FRMD4A: variants seen among roughly 807,000 people sequenced by gnomAD.
FRMD4A encodes FERM domain-containing protein 4A.
A neutral mutation model predicts 129.1 loss-of-function variants in FRMD4A; 29 were observed. That is an observed-to-expected ratio of 0.22 (90% CI 0.17 to 0.31). The LOEUF is 0.31. Ranked by LOEUF, FRMD4A falls within the 10% of genes least tolerant of loss-of-function variation. FRMD4A has a pLI of 1.00. For missense variants in FRMD4A, 1,272 were observed against 1,375.8 expected, an observed-to-expected ratio of 0.92 and a Z score of 1.19; for synonymous variants, 634 against 571.6, an observed-to-expected ratio of 1.11 and a Z score of -1.56.
intron 5 of FRMD4A, among the ~76,000 whole-genome samples, chr10:13,786,018 C>G (rs191882107): frequency 6.6e-6 from 1 of 152,196 alleles, no homozygotes; most frequent in African/African-American, 2.4e-5. Context: ...ATCCAGTCTA[C>G]CACTGATGGA....
At chr10:14,289,716 TCAC>T (rs1284971243) in intron 2 of FRMD4A, among the ~76,000 whole-genome samples, 1 of 152,098 alleles carries the variant, frequency 6.6e-6, no homozygotes, top group African/African-American at 2.4e-5. Context: ...ATGCCTACTT[TCAC>T]CACTTTTATT....
intron 2 of FRMD4A, among the ~76,000 whole-genome samples, chr10:14,119,047 T>C (rs1838353455): frequency 6.6e-6 from 1 of 151,904 alleles, no homozygotes; most frequent in Non-Finnish European, 1.5e-5. Context: ...TTGGAGGAGG[T>C]CTTAGTTTCC....
In FRMD4A at chr10:13,813,775, G is replaced by A. The variant is rs80356229; in HGVS notation, c.112-2867C>T. 2.0e-3 allele frequency among the ~76,000 whole-genome samples: 298 copies of A among 152,328 alleles called. 1 individual carries two copies. Among genetic ancestry groups the A allele is most frequent in the Admixed American group, 3.9e-3 (59 of 15,298 alleles). Reference sequence around the variant, plus strand: ...CAGCGCTGCCAGAGCGTATTGTACCGCGTACTGCTAGCCTGGGAAAAGATC... The same window carrying A: ...CAGCGCTGCCAGAGCGTATTGTACCACGTACTGCTAGCCTGGGAAAAGATC... On this transcript the variant is annotated intron_variant, in intron 3 of 24. Transcript: ENST00000357447.
At chr10:13,852,951 T>C (rs2094160109) in intron 3 of FRMD4A, among the ~76,000 whole-genome samples, 1 of 152,288 alleles carries the variant, frequency 6.6e-6, no homozygotes, top group Middle Eastern at 3.4e-3. Context: ...CTAACTGTTA[T>C]CTTTAATTCC....
chr10:14,144,029 G>T (rs868254057), intron 2 of FRMD4A, among the ~76,000 whole-genome samples: 2 of 152,138 alleles, frequency 1.3e-5, no homozygotes, highest in Non-Finnish European at 2.9e-5. Context: ...GGGATGGGAG[G>T]TTTTAAGAGT....
intron 2 of FRMD4A, among the ~76,000 whole-genome samples, chr10:13,873,568 A>G (rs2094460738): frequency 6.6e-6 from 1 of 152,170 alleles, no homozygotes; most frequent in South Asian, 2.1e-4. Context: ...TATTTTTGAG[A>G]CGGAGTCTCG....
At position 14,117,126 on chromosome 10, in the gene FRMD4A, C is replaced by T. The variant is rs187621266; in HGVS notation, c.45+212932G>A. Among the ~76,000 whole-genome samples the T allele has an allele frequency of 2.6e-5, 4 of 152,354 alleles. No homozygotes were observed. In the East Asian group the frequency reaches 7.7e-4, roughly 29 times the overall value. ...TAAGGTAGCTGATTCCTGGAAGACA[C>T]TGGCATTTCCCCTACTAAAATCCTT... On this transcript the variant is annotated intron_variant, in intron 2 of 24. Transcript: ENST00000357447.
At chr10:14,237,065 G>A (rs1259332678) in intron 2 of FRMD4A, among the ~76,000 whole-genome samples, 1 of 151,310 alleles carries the variant, frequency 6.6e-6, no homozygotes, top group African/African-American at 2.4e-5. Flanking sequence ...TAGAGATGGG[G>A]TCTTGCTATG....
At chr10:14,271,786 C>T (rs1247274143) in intron 2 of FRMD4A, among the ~76,000 whole-genome samples, 1 of 152,110 alleles carries the variant, frequency 6.6e-6, no homozygotes, top group Non-Finnish European at 1.5e-5. Context: ...TTTCTGCTGA[C>T]CTGAAGCATG....
chr10:13,771,924 A>AAAACC (rs2092465469), intron 6 of FRMD4A, among the ~76,000 whole-genome samples: 1 of 151,728 alleles, frequency 6.6e-6, no homozygotes, highest in Non-Finnish European at 1.5e-5. Context: ...ACTTTGAAAC[A>AAAACC]AAACCAAACA....
intron 6 of FRMD4A, among the ~76,000 whole-genome samples, chr10:13,777,784 T>C (rs978272873): frequency 4.8e-5 from 7 of 145,966 alleles, no homozygotes; most frequent in Admixed American, 3.7e-4. Flanking sequence ...AAGTAGGCTT[T>C]GGGTCAATTT....
chr10:13,665,945 C>T (rs537963097), intron 18 of FRMD4A, 152 bp downstream of exon 18: 1 of 632,040 alleles, frequency 1.6e-6, no homozygotes, highest in Non-Finnish European at 2.8e-6. Context: ...TGGGATCAGG[C>T]CTTACTCGCT....
At chr10:14,187,038 G>A (rs1564373214) in intron 2 of FRMD4A, among the ~76,000 whole-genome samples, 1 of 151,868 alleles carries the variant, frequency 6.6e-6, no homozygotes, top group Non-Finnish European at 1.5e-5. Flanking sequence ...AAGATTGCCT[G>A]AGCCCAGGAG....
chr10:14,196,771 T>G (rs775768231), intron 2 of FRMD4A, among the ~76,000 whole-genome samples: 67 of 152,174 alleles, frequency 4.4e-4, no homozygotes, highest in Admixed American at 7.9e-4. Context: ...GGATTACCAG[T>G]GTTAACTGTG....
chr10:13,868,750 G>T (rs1013487570), intron 2 of FRMD4A, among the ~76,000 whole-genome samples: 2 of 152,100 alleles, frequency 1.3e-5, no homozygotes, highest in African/African-American at 4.8e-5. Context: ...AGTGAACTGA[G>T]ATCAGGCCAC....
At chr10:13,746,353 G>C (rs1392441957) in intron 9 of FRMD4A, among the ~76,000 whole-genome samples, 1 of 152,244 alleles carries the variant, frequency 6.6e-6, no homozygotes, top group African/African-American at 2.4e-5. Flanking sequence ...TGGGACACCA[G>C]GCGCGCGACA....
chr10:14,322,719 C>T (rs1050670773), intron 2 of FRMD4A, among the ~76,000 whole-genome samples: 6 of 152,188 alleles, frequency 3.9e-5, no homozygotes, highest in Admixed American at 2.6e-4. Flanking sequence ...CCACTTGATA[C>T]GAACCACATG....
At chr10:13,869,344 C>G (rs2094413120) in intron 2 of FRMD4A, among the ~76,000 whole-genome samples, 1 of 152,248 alleles carries the variant, frequency 6.6e-6, no homozygotes, top group Non-Finnish European at 1.5e-5. Context: ...TGAAGAGGAA[C>G]TCCTACCCAC....
chr10:13,756,076 A>C (rs1170789372), intron 8 of FRMD4A: 1 of 152,216 alleles, frequency 6.6e-6, no homozygotes, highest in African/African-American at 2.4e-5. Flanking sequence ...TCATGCTGGG[A>C]GAATCCTGTT....
Sources: allele counts gnomAD v4.1 joint callset (sites outside exome capture counted in the v4.1 genomes callset), GRCh38; gene constraint gnomAD v4.1.1; transcripts MANE v1.5; gene names NCBI Gene and HGNC (gene_info 2026-07-23, HGNC 2026-07-21).